PRR16: variants seen among roughly 807,000 people sequenced by gnomAD.
PRR16 encodes proline rich 16.
In PRR16, 6 loss-of-function variants were observed where a neutral mutation model predicts 18.2. The ratio of observed to expected loss-of-function variants is 0.33; its 90% CI spans 0.18 to 0.65. PRR16 has a LOEUF of 0.65. Among genes scored for constraint, PRR16 ranks in the 30% least tolerant of loss-of-function variants. The pLI, the probability that PRR16 is intolerant of heterozygous loss-of-function variation, is 0.74. For missense variants in PRR16, 412 were observed against 376.6 expected, an observed-to-expected ratio of 1.09 and a Z score of -0.78; for synonymous variants, 151 against 147.8, an observed-to-expected ratio of 1.02 and a Z score of -0.16.
chr5:120,679,833 T>C (rs1208384846), intron 1 of PRR16, among the ~76,000 whole-genome samples: 1 of 152,082 alleles, frequency 6.6e-6, no homozygotes, highest in Non-Finnish European at 1.5e-5. Context: ...GTGGTTACCA[T>C]GGTCTGAGTT....
chr5:120,712,999 AGAG>A, the PRR16 span, among the ~76,000 whole-genome samples: 1 of 152,192 alleles, frequency 6.6e-6, no homozygotes, highest in Non-Finnish European at 1.5e-5. Flanking sequence ...AGTAACTTGA[AGAG>A]ATATCTGCAC....
intron 1 of PRR16, among the ~76,000 whole-genome samples, chr5:120,630,445 C>G (rs964787015): frequency 6.6e-6 from 1 of 152,132 alleles, no homozygotes; most frequent in African/African-American, 2.4e-5. Context: ...GTCTGACTTT[C>G]ATCTACTCTG....
chr5:120,705,529 T>A, the PRR16 span, among the ~76,000 whole-genome samples: 1 of 152,122 alleles, frequency 6.6e-6, no homozygotes, highest in African/African-American at 2.4e-5. Context: ...CCAAATGATA[T>A]TTTCTGTTCA....
At chr5:120,475,651 C>T (rs565911535) in intron 1 of PRR16, among the ~76,000 whole-genome samples, 19 of 152,036 alleles carry the variant, frequency 1.2e-4, no homozygotes, top group Admixed American at 9.8e-4. Flanking sequence ...CTGGGAGGAT[C>T]GCTTGAGCCC....
At chr5:120,754,441 G>A in the PRR16 span, among the ~76,000 whole-genome samples, 2 of 27,040 alleles carry the variant, frequency 7.4e-5, no homozygotes, top group Admixed American at 6.5e-4. Context: ...ATAGTATATA[G>A]TATATATTAT....
intron 1 of PRR16, among the ~76,000 whole-genome samples, chr5:120,617,698 G>T (rs1754560647): frequency 6.6e-6 from 1 of 151,988 alleles, no homozygotes. Flanking sequence ...TTTTATAAAA[G>T]ATATGATAAT....
chr5:120,625,219 G>T (rs941626656), intron 1 of PRR16, among the ~76,000 whole-genome samples: 3 of 152,148 alleles, frequency 2.0e-5, no homozygotes, highest in South Asian at 4.1e-4. Context: ...TCTAATTCTG[G>T]TACTTTGTCT....
chr5:120,668,812 G>A (rs1245878510), intron 1 of PRR16, among the ~76,000 whole-genome samples: 1 of 152,090 alleles, frequency 6.6e-6, no homozygotes, highest in Non-Finnish European at 1.5e-5. Flanking sequence ...TAGAGTTTCT[G>A]CCGAGAGATC....
intron 1 of PRR16, among the ~76,000 whole-genome samples, chr5:120,497,475 C>T (rs540405676): frequency 1.8e-4 from 27 of 148,118 alleles, no homozygotes; most frequent in African/African-American, 6.3e-4. Flanking sequence ...ACTGCAACCT[C>T]CGTCTCCTGG....
chr5:120,641,336 G>A (rs1755416284), intron 1 of PRR16, among the ~76,000 whole-genome samples: 1 of 152,108 alleles, frequency 6.6e-6, no homozygotes, highest in African/African-American at 2.4e-5. Flanking sequence ...AATGAGGGAG[G>A]CAGACAGACC....
At chr5:120,744,282 G>T in the PRR16 span, among the ~76,000 whole-genome samples, 1 of 152,272 alleles carries the variant, frequency 6.6e-6, no homozygotes, top group South Asian at 2.1e-4. Flanking sequence ...CTGTAGTAAG[G>T]CATGGGGTGG....
chr5:120,626,179 T>G (rs1187929692), intron 1 of PRR16, among the ~76,000 whole-genome samples: 1 of 152,086 alleles, frequency 6.6e-6, no homozygotes, highest in Non-Finnish European at 1.5e-5. Flanking sequence ...CATAAATACA[T>G]TATAATATTC....
At chr5:120,630,972 A>G (rs1755032893) in intron 1 of PRR16, among the ~76,000 whole-genome samples, 1 of 152,200 alleles carries the variant, frequency 6.6e-6, no homozygotes, top group Non-Finnish European at 1.5e-5. Flanking sequence ...TAAATTATTT[A>G]GCTGTGGTTT....
intron 1 of PRR16, among the ~76,000 whole-genome samples, chr5:120,649,163 C>A (rs577682045): frequency 6.6e-6 from 1 of 152,110 alleles, no homozygotes; most frequent in African/African-American, 2.4e-5. Flanking sequence ...TAACTTAAGT[C>A]ATGTTGGAAA....
chr5:120,598,377 G>A (rs968803444), intron 1 of PRR16, among the ~76,000 whole-genome samples: 3 of 151,802 alleles, frequency 2.0e-5, no homozygotes, highest in African/African-American at 4.8e-5. Context: ...TGGTATGGCT[G>A]CCTCCTGTCT....
At chr5:120,724,607 T>C in the PRR16 span, among the ~76,000 whole-genome samples, 3 of 152,128 alleles carry the variant, frequency 2.0e-5, no homozygotes, top group Non-Finnish European at 4.4e-5. Context: ...TGAATCATGA[T>C]AATTTTTTGT....
chr5:120,716,588 C>T, the PRR16 span, among the ~76,000 whole-genome samples: 1 of 152,030 alleles, frequency 6.6e-6, no homozygotes, highest in Non-Finnish European at 1.5e-5. Flanking sequence ...AACACATGGT[C>T]CTTGGGGCTG....
At chr5:120,648,000 G>A (rs1167041654) in intron 1 of PRR16, among the ~76,000 whole-genome samples, 1 of 151,948 alleles carries the variant, frequency 6.6e-6, no homozygotes, top group African/African-American at 2.4e-5. Context: ...GAATGGGTTA[G>A]CAATTAACTA....
intron 1 of PRR16, among the ~76,000 whole-genome samples, chr5:120,513,308 T>C (rs1002289726): frequency 6.6e-6 from 1 of 152,228 alleles, no homozygotes; most frequent in Admixed American, 6.5e-5. Flanking sequence ...GGTAATCATG[T>C]TTGTTCCCTT....
Sources: gnomAD v4.1 joint callset for allele counts (sites outside exome capture counted in the v4.1 genomes callset) on GRCh38, gnomAD v4.1.1 for gene constraint, MANE v1.5 for transcripts, NCBI Gene and HGNC (gene_info 2026-07-23, HGNC 2026-07-21) for gene names.